The following VWC2 variants were observed in gnomAD, a reference collection of about 807,000 sequenced individuals.
VWC2 encodes the protein von Willebrand factor C domain containing 2.
Under a neutral mutation model 29.8 loss-of-function variants are expected in VWC2, and 14 were observed. The observed-to-expected ratio is 0.47, with a 90% confidence interval of 0.31 to 0.74. VWC2 has a LOEUF of 0.74. VWC2 is among the 30% of genes least tolerant of loss of function. The pLI, the probability that VWC2 is intolerant of heterozygous loss-of-function variation, is 0.05. For synonymous variants in VWC2, 213 were observed against 199.0 expected (o/e 1.07, Z -0.59); for missense variants, 457 against 459.8 (o/e 0.99, Z 0.05).
Position 49,788,311 on chromosome 7 carries a change from A to G in VWC2, c.696+12180A>G, listed in dbSNP as rs754098900. ...TTGGGGGTGCGAGCAGGGCTGTTGG[A>G]GCCCGGCCAGCTTTGGGCAAAGGCA... On this transcript the variant is annotated intron_variant, in intron 2 of 3. Coordinates refer to ENST00000340652, the MANE Select transcript of VWC2 (RefSeq NM_198570.5). Among the ~76,000 whole-genome samples, 3 of 152,156 alleles carry G rather than the reference A, an allele frequency of 2.0e-5. No homozygotes were observed. The South Asian group carries it at 6.2e-4, about 32-fold the overall frequency.
chr7:49,893,749 T>C (rs1792246563), intron 3 of VWC2, among the ~76,000 whole-genome samples: 1 of 151,994 alleles, frequency 6.6e-6, no homozygotes, highest in East Asian at 1.9e-4. Flanking sequence ...TAAATAACAG[T>C]TGGGAAATTT....
intron 3 of VWC2, among the ~76,000 whole-genome samples, chr7:49,897,172 G>A (rs888645495): frequency 4.6e-5 from 7 of 152,068 alleles, no homozygotes; most frequent in Non-Finnish European, 7.4e-5. Context: ...TGGGATTACA[G>A]GCGTGAGCCA....
intron 3 of VWC2, among the ~76,000 whole-genome samples, chr7:49,868,894 C>T (rs1467555550): frequency 6.6e-6 from 1 of 152,188 alleles, no homozygotes; most frequent in Non-Finnish European, 1.5e-5. Flanking sequence ...GCTGGGATTA[C>T]GGGCATGAGC....
At chr7:49,880,305 T>A (rs1220218653) in intron 3 of VWC2, among the ~76,000 whole-genome samples, 2 of 152,100 alleles carry the variant, frequency 1.3e-5, no homozygotes, top group Admixed American at 1.3e-4. Context: ...TCATTTTGTA[T>A]TTTTAACGCA....
rs1303961474 is a variant in VWC2 at position 49,802,571 on chromosome 7, G to A, written c.697-140G>A. The A allele has an allele frequency of 1.2e-5, 14 of 1,150,958 alleles. No individual in the cohort carries two copies. The East Asian group carries it at 3.4e-4, about 28-fold the overall frequency. The allele number at this position is 1,150,958 out of a possible 1,614,324, so 71.3% of individuals were successfully genotyped here. On this transcript the variant is annotated intron_variant, in intron 2 of 3. Coordinates refer to ENST00000340652, the MANE Select transcript of VWC2 (RefSeq NM_198570.5). ...CAGAATCGCTTGAACTCGGGAAACA[G>A]AGGTTGCGGTGAGCCGAGATCGCAC...
In VWC2 at chr7:49,775,649, A is replaced by C. The variant is rs1179767019; in HGVS notation, c.214A>C (p.Ser72Arg). The C allele has an allele frequency of 4.6e-6, 7 of 1,527,978 alleles. No homozygotes were observed. The South Asian group carries it at 8.5e-5, about 19-fold the overall frequency. The allele number at this position is 1,527,978 out of a possible 1,614,324, so 94.7% of individuals were successfully genotyped here. ...LGRPARDEGGSGRDWKSKSGR... is the reference protein window; with the variant it reads ...LGRPARDEGGRGRDWKSKSGR... ...GCGCCCGGCGAGGGACGAGGGCGGC[A>C]GCGGCCGGGACTGGAAGAGCAAGAG... The change falls in exon 2 of 4, where the codon AGC becomes CGC. Residue 72 changes from serine to arginine, a missense_variant. Physicochemically the swap from Ser to Arg is moderately radical, Grantham distance 110 (BLOSUM62 -1). Coordinates refer to ENST00000340652, the MANE Select transcript of VWC2 (RefSeq NM_198570.5).
rs1583827422 is a variant in VWC2, at chr7:49,913,759, G to A, written c.*1574G>A. Reference sequence around the variant, plus strand: ...TTCCTAATGAGAAGATGGAGAACATGAAAAAATCATTATATAAAAAATAAT... The same window carrying A: ...TTCCTAATGAGAAGATGGAGAACATAAAAAAATCATTATATAAAAAATAAT... On this transcript the variant is annotated 3_prime_UTR_variant, in exon 4 of 4. Coordinates refer to ENST00000340652, the MANE Select transcript of VWC2 (RefSeq NM_198570.5). 6.6e-6 allele frequency: 1 copy of A among 151,894 alleles called. No individual in the cohort carries two copies. The highest frequency in any genetic ancestry group is 1.5e-5 in the Non-Finnish European group (1 of 67,950). The allele number at this position is 151,894 out of a possible 1,614,324, so 9.4% of individuals were successfully genotyped here.
intron 3 of VWC2, among the ~76,000 whole-genome samples, chr7:49,866,196 G>A (rs1310145977): frequency 6.6e-6 from 1 of 152,100 alleles, no homozygotes; most frequent in African/African-American, 2.4e-5. Flanking sequence ...TATCTTATCA[G>A]ACCCAGCTGG....
In VWC2 at chr7:49,775,686, T is replaced by A; in HGVS notation, c.251T>A (p.Leu84His). ...TGGAAGAGCAAGAGCGGCCGTGGGC[T>A]CGCCGGCCGTGAGCCGTGGAGCAAG... is the stretch of plus-strand genomic sequence containing the variant. The part of the protein sequence containing the change: ...RDWKSKSGRG[L>H]AGREPWSKLK... Residue 84 changes from leucine (L) to histidine (H), a missense_variant, in exon 2 of 4, where the codon CTC becomes CAC. By Grantham distance (99) the Leu-to-His change is moderately conservative. Coordinates refer to ENST00000340652, the MANE Select transcript of VWC2 (RefSeq NM_198570.5). The A allele has an allele frequency of 6.6e-7, 1 of 1,523,346 alleles. No individual in the cohort carries two copies. Among genetic ancestry groups the A allele is most frequent in the Non-Finnish European group, 8.8e-7 (1 of 1,138,742 alleles). 94.4% of individuals were successfully genotyped at this position (1,523,346 alleles called of 1,614,324 possible). A position where few individuals can be genotyped will look rare whatever the true frequency, so the allele number is the denominator to read the frequency against.
intron 3 of VWC2, among the ~76,000 whole-genome samples, chr7:49,822,126 T>G (rs1446403898): frequency 6.6e-6 from 1 of 152,142 alleles, no homozygotes; most frequent in Non-Finnish European, 1.5e-5. Context: ...TTAAAAAAAT[T>G]GAATTCTCTT....
At chr7:49,844,486 A>C (rs1372957857) in intron 3 of VWC2, among the ~76,000 whole-genome samples, 2 of 152,274 alleles carry the variant, frequency 1.3e-5, no homozygotes, top group East Asian at 1.9e-4. Flanking sequence ...TATTTATACT[A>C]TGTTACTCAA....
chr7:49,812,997 G>A (rs1348946823), intron 3 of VWC2, among the ~76,000 whole-genome samples: 2 of 152,192 alleles, frequency 1.3e-5, no homozygotes, highest in Non-Finnish European at 2.9e-5. Flanking sequence ...TCTATAGCTG[G>A]TTATAGATTT....
chr7:49,852,396 C>G (rs1037417990), intron 3 of VWC2, among the ~76,000 whole-genome samples: 3 of 152,232 alleles, frequency 2.0e-5, no homozygotes, highest in African/African-American at 7.2e-5. Flanking sequence ...CCTGTTCACT[C>G]ATCTCCTTAA....
intron 3 of VWC2, among the ~76,000 whole-genome samples, chr7:49,839,645 A>T (rs961788614): frequency 2.6e-5 from 4 of 152,116 alleles, no homozygotes; most frequent in Non-Finnish European, 5.9e-5. Context: ...GTTGCCAGAG[A>T]TCTCTCATGT....
intron 2 of VWC2, among the ~76,000 whole-genome samples, chr7:49,788,083 C>T (rs974169356): frequency 2.0e-5 from 3 of 152,184 alleles, no homozygotes; most frequent in African/African-American, 7.2e-5. Context: ...CTAATTTCAG[C>T]CTACTTTTGA....
At chr7:49,876,639 T>C (rs567744890) in intron 3 of VWC2, among the ~76,000 whole-genome samples, 1 of 152,220 alleles carries the variant, frequency 6.6e-6, no homozygotes, top group East Asian at 1.9e-4. Context: ...AAGGGAAGAA[T>C]TGCCTTGTTG....
chr7:49,884,840 T>C (rs544138958), intron 3 of VWC2, among the ~76,000 whole-genome samples: 72 of 152,060 alleles, frequency 4.7e-4, no homozygotes, highest in Non-Finnish European at 9.7e-4. Flanking sequence ...TAGACGTCAA[T>C]AGTTAATCAA....
At chr7:49,787,257 C>T (rs1354871887) in intron 2 of VWC2, among the ~76,000 whole-genome samples, 1 of 152,214 alleles carries the variant, frequency 6.6e-6, no homozygotes, top group Non-Finnish European at 1.5e-5. Context: ...CCATACCAAA[C>T]AGATTGGCCC....
chr7:49,824,720 A>G (rs1789352927), intron 3 of VWC2, among the ~76,000 whole-genome samples: 1 of 152,084 alleles, frequency 6.6e-6, no homozygotes, highest in Admixed American at 6.5e-5. Context: ...ATATTTTAAA[A>G]TTTCTCTCAG....
Sources: allele counts gnomAD v4.1 joint callset (sites outside exome capture counted in the v4.1 genomes callset), GRCh38; gene constraint gnomAD v4.1.1; transcripts MANE v1.5; gene names NCBI Gene and HGNC (gene_info 2026-07-23, HGNC 2026-07-21).